MOSMO: variants seen among roughly 807,000 people sequenced by gnomAD.
MOSMO encodes the protein modulator of smoothened.
In MOSMO, 5 loss-of-function variants were observed where a neutral mutation model predicts 18.4. The observed-to-expected ratio is 0.27, with a 90% CI of 0.14 to 0.57. The LOEUF (loss-of-function observed/expected upper bound fraction) is 0.57. MOSMO is among the 20% of genes least tolerant of loss of function. The pLI is 0.92. For missense variants in MOSMO, 138 were observed against 211.8 expected (o/e 0.65, Z 2.16); for synonymous variants, 82 against 82.3 (o/e 1.00, Z 0.02).
chr16:22,024,016 T>TATATATATATATATATATATATATATA (rs57968547), intron 1 of MOSMO, among the ~76,000 whole-genome samples: 59 of 145,534 alleles, frequency 4.1e-4, no homozygotes, highest in East Asian at 7.3e-4. Flanking sequence ...TATATATATA[T>TATATATATATATATATATATATATATA]TTTCTTAAGA....
intron 1 of MOSMO, among the ~76,000 whole-genome samples, chr16:22,024,407 C>A (rs1706359448): frequency 6.6e-6 from 1 of 151,766 alleles, no homozygotes. Context: ...GTTCTGTCAC[C>A]AGGCTGGAGA....
chr16:22,045,305 G>C (rs1598010794), intron 1 of MOSMO, among the ~76,000 whole-genome samples: 1 of 152,098 alleles, frequency 6.6e-6, no homozygotes, highest in East Asian at 1.9e-4. Flanking sequence ...TGTAAAGTTT[G>C]GGTATTTTAG....
chr16:22,029,299 G>A (rs1324061390), intron 1 of MOSMO, among the ~76,000 whole-genome samples: 1 of 152,196 alleles, frequency 6.6e-6, no homozygotes, highest in African/African-American at 2.4e-5. Flanking sequence ...TTCATAAAAT[G>A]AAATAGGGTT....
chr16:22,077,907 C>T lies in MOSMO; in HGVS notation c.319+2208C>T, dbSNP rs565547057. On this transcript the variant is annotated intron_variant, in intron 2 of 2. Transcript: ENST00000542527. ...GACAGTTCTGAGAGGGATTGGGCGCCCCCTAGTGTTTCCACTCCACCCCTG... is the reference window on the plus strand; with the variant it reads ...GACAGTTCTGAGAGGGATTGGGCGCTCCCTAGTGTTTCCACTCCACCCCTG... Among the ~76,000 whole-genome samples the T allele has an allele frequency of 1.7e-3, 264 of 152,112 alleles. 1 individual carries two copies. Among genetic ancestry groups the T allele is most frequent in the Non-Finnish European group, 2.6e-3 (177 of 67,990 alleles).
At chr16:22,010,881 A>C (rs899644980) in intron 1 of MOSMO, among the ~76,000 whole-genome samples, 5 of 151,868 alleles carry the variant, frequency 3.3e-5, no homozygotes, top group African/African-American at 1.2e-4. Context: ...AGATCACGCT[A>C]CTGCACTCTG....
chr16:22,088,218 A>G (rs2047461432), downstream of MOSMO, among the ~76,000 whole-genome samples: 1 of 151,972 alleles, frequency 6.6e-6, no homozygotes, highest in Non-Finnish European at 1.5e-5. Context: ...TTTTATAGAG[A>G]TGGGGGTCTC....
chr16:22,085,482 A>C (rs1201210623), downstream of MOSMO, among the ~76,000 whole-genome samples: 1 of 152,184 alleles, frequency 6.6e-6, no homozygotes, highest in African/African-American at 2.4e-5. Flanking sequence ...TGAATAGGTC[A>C]ATTGGAAATT....
chr16:22,052,951 C>CTTTT (rs1198266671), intron 1 of MOSMO, among the ~76,000 whole-genome samples: 38 of 124,090 alleles, frequency 3.1e-4, no homozygotes, highest in Non-Finnish European at 4.5e-4. Context: ...CTCTCATCTT[C>CTTTT]TTTTTTTTTT....
intron 1 of MOSMO, among the ~76,000 whole-genome samples, chr16:22,058,719 A>T (rs1900586537): frequency 6.6e-6 from 1 of 152,160 alleles, no homozygotes. Context: ...TAAATGGAGG[A>T]TAAGTTCGTT....
chr16:22,049,223 C>G (rs28575038), intron 1 of MOSMO, among the ~76,000 whole-genome samples: 8,339 of 151,998 alleles, frequency 0.055, 713 homozygotes, highest in East Asian at 0.39. Flanking sequence ...ACAAACAAAC[C>G]AGGTTCTCAT....
At chr16:22,032,250 A>G (rs1362787010) in intron 1 of MOSMO, among the ~76,000 whole-genome samples, 1 of 134,192 alleles carries the variant, frequency 7.5e-6, no homozygotes, top group Admixed American at 8.5e-5. Flanking sequence ...AGTGCAGTGG[A>G]GCAATCTCGG....
intron 1 of MOSMO, among the ~76,000 whole-genome samples, chr16:22,036,516 C>T (rs1004110751): frequency 6.6e-6 from 1 of 152,156 alleles, no homozygotes; most frequent in Admixed American, 6.6e-5. Flanking sequence ...GGTCCAATCA[C>T]AGCTAATTGT....
At position 22,082,007 on chromosome 16, in the gene MOSMO, T is replaced by C. The variant is rs1288759405; in HGVS notation, c.*1127T>C. The C allele has an allele frequency of 6.6e-6, 1 of 152,206 alleles. No homozygotes were observed. Among genetic ancestry groups the C allele is most frequent in the Non-Finnish European group, 1.5e-5 (1 of 68,040 alleles). 9.4% of individuals were successfully genotyped at this position (152,206 alleles called of 1,614,324 possible). A position where few individuals can be genotyped will look rare whatever the true frequency, so the allele number is the denominator to read the frequency against. ...TTAAATTATTGGCAACTGTTGTCTG[T>C]TGTACAGAGATTCTTTTTCTACTGG... On this transcript the variant is annotated 3_prime_UTR_variant, in exon 3 of 3. Coordinates refer to ENST00000542527, the MANE Select transcript of MOSMO (RefSeq NM_001164579.2).
At chr16:22,051,915 G>A (rs148282844) in intron 1 of MOSMO, among the ~76,000 whole-genome samples, 1 of 152,242 alleles carries the variant, frequency 6.6e-6, no homozygotes, top group African/African-American at 2.4e-5. Flanking sequence ...GTGTGGGGGA[G>A]AAACCCCACG....
chr16:22,042,701 C>T (rs916784837), intron 1 of MOSMO, among the ~76,000 whole-genome samples: 2 of 152,144 alleles, frequency 1.3e-5, no homozygotes, highest in African/African-American at 4.8e-5. Flanking sequence ...TGTCACCAAG[C>T]GAATTCAGTA....
rs1217073505 is a variant in MOSMO, at chr16:22,075,604, G to C, written c.224G>C (p.Gly75Ala). 3 of 1,537,312 alleles carry C rather than the reference G, an allele frequency of 2.0e-6. No homozygotes were observed. The highest frequency in any genetic ancestry group is 1.7e-4 in the Middle Eastern group (1 of 5,994). The change falls in exon 2 of 3, where the codon GGA becomes GCA. Residue 75 changes from glycine (G) to alanine (A), a missense_variant. By Grantham distance (60) the Gly-to-Ala change is moderately conservative. Coordinates refer to ENST00000542527, the MANE Select transcript of MOSMO (RefSeq NM_001164579.2). ...ACCACACTGTTTTTTATCATCATGG[G>C]AATCATTTCATTGACTGTCACATGT... ...WVTTLFFIIM[G>A]IISLTVTCGL... is the part of the protein sequence containing the mutation.
At chr16:22,025,043 C>T (rs936920115) in intron 1 of MOSMO, among the ~76,000 whole-genome samples, 1 of 151,386 alleles carries the variant, frequency 6.6e-6, no homozygotes, top group Non-Finnish European at 1.5e-5. Flanking sequence ...GTCCTAGCTA[C>T]TCGGGAGGCT....
chr16:22,035,609 G>T (rs952444855), intron 1 of MOSMO, among the ~76,000 whole-genome samples: 1 of 152,092 alleles, frequency 6.6e-6, no homozygotes, highest in East Asian at 1.9e-4. Flanking sequence ...TGAGGTTTCC[G>T]CACCTATAAC....
intron 1 of MOSMO, among the ~76,000 whole-genome samples, chr16:22,051,024 T>C (rs542375159): frequency 6.6e-6 from 1 of 152,212 alleles, no homozygotes; most frequent in East Asian, 1.9e-4. Flanking sequence ...TAATTTACTA[T>C]TGAAGTAAGA....
Sources: gnomAD v4.1 joint callset for allele counts (sites outside exome capture counted in the v4.1 genomes callset) on GRCh38, gnomAD v4.1.1 for gene constraint, MANE v1.5 for transcripts, NCBI Gene and HGNC (gene_info 2026-07-23, HGNC 2026-07-21) for gene names.